EPHB2: variants seen among roughly 807,000 people sequenced by gnomAD.
The protein encoded by EPHB2 is EPH receptor B2.
EPHB2 carries 18 observed loss-of-function variants against 96.4 expected under a neutral mutation model. That is an observed-to-expected ratio of 0.19 (90% CI 0.13 to 0.28). The LOEUF is 0.28. Among genes scored for constraint, EPHB2 ranks in the 10% least tolerant of loss-of-function variants. The probability of loss-of-function intolerance (pLI) is 1.00; values close to 1 mark genes in which losing one functional copy is unlikely to be tolerated. For synonymous variants in EPHB2, 506 were observed against 534.1 expected (o/e 0.95, Z 0.72); for missense variants, 989 against 1,355.4 (o/e 0.73, Z 4.25).
intron 3 of EPHB2, chr1:22,800,093 C>T (rs1024587677): frequency 4.6e-5 from 7 of 152,446 alleles, no homozygotes; most frequent in Non-Finnish European, 7.3e-5. Flanking sequence ...ACCCTGCTGT[C>T]AGAGCTGTCT....
chr1:22,812,147 A>G (rs1392561866), intron 3 of EPHB2, among the ~76,000 whole-genome samples: 4 of 152,220 alleles, frequency 2.6e-5, no homozygotes, highest in African/African-American at 7.2e-5. Flanking sequence ...TGGAGGCGCC[A>G]CATCTACCTC....
At chr1:22,880,655 C>T (rs1393067395) in intron 5 of EPHB2, among the ~76,000 whole-genome samples, 2 of 152,240 alleles carry the variant, frequency 1.3e-5, no homozygotes, top group African/African-American at 4.8e-5. Flanking sequence ...GTCCAAATCC[C>T]GGCTCCCCCA....
At chr1:22,832,817 T>C (rs1645325767) in intron 3 of EPHB2, among the ~76,000 whole-genome samples, 1 of 151,654 alleles carries the variant, frequency 6.6e-6, no homozygotes, top group Non-Finnish European at 1.5e-5. Flanking sequence ...GAAGAGGGGG[T>C]ACAATAAATA....
intron 3 of EPHB2, among the ~76,000 whole-genome samples, chr1:22,844,950 C>A (rs1016695503): frequency 6.6e-6 from 1 of 152,228 alleles, no homozygotes; most frequent in Non-Finnish European, 1.5e-5. Context: ...TGCCCACACC[C>A]GGATTTGTGT....
At chr1:22,771,486 C>T (rs1448894231) in intron 1 of EPHB2, among the ~76,000 whole-genome samples, 1 of 152,182 alleles carries the variant, frequency 6.6e-6, no homozygotes, top group Non-Finnish European at 1.5e-5. Flanking sequence ...CAACTTAGAA[C>T]CACTCAGAAG....
At chr1:22,734,399 A>G (rs1267335428) in intron 1 of EPHB2, among the ~76,000 whole-genome samples, 1 of 151,386 alleles carries the variant, frequency 6.6e-6, no homozygotes, top group East Asian at 2.0e-4. Context: ...CACTCAATAA[A>G]GTACCACCAG....
chr1:22,792,672 G>A (rs1463290488), intron 3 of EPHB2, among the ~76,000 whole-genome samples: 1 of 152,048 alleles, frequency 6.6e-6, no homozygotes, highest in Non-Finnish European at 1.5e-5. Context: ...TCTTCTTGGA[G>A]GGCTCAGTGA....
At chr1:22,884,243 C>A (rs865821855) in intron 6 of EPHB2, among the ~76,000 whole-genome samples, 1 of 152,208 alleles carries the variant, frequency 6.6e-6, no homozygotes, top group East Asian at 1.9e-4. Context: ...CGGTGGCTCA[C>A]GCCTGTAATC....
chr1:22,759,150 C>A (rs767207981), intron 1 of EPHB2, among the ~76,000 whole-genome samples: 1 of 152,090 alleles, frequency 6.6e-6, no homozygotes, highest in Non-Finnish European at 1.5e-5. Context: ...ACATTTTCCC[C>A]AGCTATTTTC....
At chr1:22,876,279 C>T (rs1638833283) in intron 5 of EPHB2, among the ~76,000 whole-genome samples, 1 of 152,136 alleles carries the variant, frequency 6.6e-6, no homozygotes, top group African/African-American at 2.4e-5. Flanking sequence ...CTGAGCCAAT[C>T]CCCAAGCCCA....
intron 3 of EPHB2, among the ~76,000 whole-genome samples, chr1:22,840,704 G>A (rs1011372856): frequency 7.2e-5 from 11 of 152,044 alleles, no homozygotes; most frequent in Middle Eastern, 3.2e-3. Context: ...CAAGCAATCC[G>A]CCCACCTTTG....
At chr1:22,843,035 T>C (rs4655129) in intron 3 of EPHB2, among the ~76,000 whole-genome samples, 33,336 of 152,168 alleles carry the variant, frequency 0.22, 3,901 homozygotes, top group Non-Finnish European at 0.26. Flanking sequence ...CTAGCTGTTT[T>C]GCTTGTGGCT....
At chr1:22,901,012 A>G (rs2124065072) in intron 9 of EPHB2, among the ~76,000 whole-genome samples, 1 of 152,320 alleles carries the variant, frequency 6.6e-6, no homozygotes, top group South Asian at 2.1e-4. Context: ...CTATTCTGCC[A>G]CTGGCCAGCT....
At chr1:22,753,537 G>T (rs1380267360) in intron 1 of EPHB2, among the ~76,000 whole-genome samples, 4 of 152,200 alleles carry the variant, frequency 2.6e-5, no homozygotes, top group African/African-American at 7.2e-5. Context: ...GTCAGGGAAG[G>T]CTCCCATGAG....
chr1:22,879,244 T>C (rs994804475), intron 5 of EPHB2, among the ~76,000 whole-genome samples: 7 of 151,844 alleles, frequency 4.6e-5, no homozygotes, highest in African/African-American at 1.7e-4. Flanking sequence ...CCCCTGTGGG[T>C]TGGATGAGAG....
intron 1 of EPHB2, among the ~76,000 whole-genome samples, chr1:22,750,556 T>C (rs181646603): frequency 6.6e-6 from 1 of 152,310 alleles, no homozygotes; most frequent in East Asian, 1.9e-4. Context: ...TGATTACTCA[T>C]GGAGAAAGTC....
intron 3 of EPHB2, among the ~76,000 whole-genome samples, chr1:22,820,627 C>T (rs921328794): frequency 3.9e-5 from 6 of 152,126 alleles, no homozygotes; most frequent in African/African-American, 7.2e-5. Context: ...TGCACCACTG[C>T]ACTCCATGCA....
At chr1:22,751,944 A>C (rs570532219) in intron 1 of EPHB2, among the ~76,000 whole-genome samples, 2 of 152,302 alleles carry the variant, frequency 1.3e-5, no homozygotes, top group South Asian at 4.1e-4. Flanking sequence ...CTTCTTTAAA[A>C]ATCAGGCTTC....
In EPHB2 at chr1:22,733,186, T is replaced by G. The variant is rs1237741905; in HGVS notation, c.61+22143T>G. ...GCCTCAGCCTCCTGAGTAGCTGGGA[T>G]TACAGGTGCCTGCCACCACGCCTGG... On this transcript the variant is annotated intron_variant, in intron 1 of 15. Transcript: ENST00000374630. This position sits in a 1 kb window ranked among gnomAD's most constrained non-coding sequence, Gnocchi z 4.6. Among the ~76,000 whole-genome samples the G allele has an allele frequency of 2.0e-5, 3 of 152,258 alleles. No homozygotes were observed. Among genetic ancestry groups the G allele is most frequent in the Non-Finnish European group, 2.9e-5 (2 of 68,016 alleles).
Sources: gnomAD v4.1 joint callset for allele counts (sites outside exome capture counted in the v4.1 genomes callset) on GRCh38, gnomAD v4.1.1 for gene constraint, Gnocchi (gnomAD v3.1) non-coding constraint, MANE v1.5 for transcripts, NCBI Gene and HGNC (gene_info 2026-07-23, HGNC 2026-07-21) for gene names.